Variants in CTNND2 observed in about 807,000 individuals in gnomAD.
CTNND2 encodes the protein catenin delta 2.
In CTNND2, 22 loss-of-function variants were observed where a neutral mutation model predicts 144.4. The observed-to-expected ratio is 0.15, with a 90% CI of 0.11 to 0.22. The LOEUF is 0.22. Among genes scored for constraint, CTNND2 ranks in the 10% least tolerant of loss-of-function variants. CTNND2 has a pLI of 1.00. For synonymous variants in CTNND2, 751 were observed against 695.6 expected (o/e 1.08, Z -1.25); for missense variants, 1,353 against 1,618.8 (o/e 0.84, Z 2.82).
At chr5:11,037,534 G>A (rs1288090412) in intron 16 of CTNND2, among the ~76,000 whole-genome samples, 1 of 152,164 alleles carries the variant, frequency 6.6e-6, no homozygotes, top group African/African-American at 2.4e-5. Flanking sequence ...TGTTTGCACT[G>A]GAGGCAGAAA....
At chr5:11,715,292 C>A (rs748106643) in intron 2 of CTNND2, among the ~76,000 whole-genome samples, 3 of 152,166 alleles carry the variant, frequency 2.0e-5, no homozygotes, top group Non-Finnish European at 2.9e-5. Flanking sequence ...AATCACGAAG[C>A]ATTACATCTT....
intron 2 of CTNND2, among the ~76,000 whole-genome samples, chr5:11,710,171 G>A (rs189333703): frequency 1.3e-5 from 2 of 152,226 alleles, no homozygotes; most frequent in East Asian, 3.9e-4. Context: ...TCAGCTTTAA[G>A]GAGCCAAGAA....
At chr5:11,879,710 G>C (rs1163412295) in intron 1 of CTNND2, among the ~76,000 whole-genome samples, 1 of 152,104 alleles carries the variant, frequency 6.6e-6, no homozygotes, top group East Asian at 1.9e-4. Context: ...GGTTCGCAAA[G>C]AGTAGCTCTC....
At chr5:11,634,958 G>A (rs867160456) in intron 2 of CTNND2, among the ~76,000 whole-genome samples, 18 of 151,966 alleles carry the variant, frequency 1.2e-4, no homozygotes, top group African/African-American at 4.4e-4. Flanking sequence ...CATCTAGTGG[G>A]CAGAAGATAT....
At chr5:11,705,046 G>A (rs878886115) in intron 2 of CTNND2, among the ~76,000 whole-genome samples, 1 of 151,890 alleles carries the variant, frequency 6.6e-6, no homozygotes, top group Non-Finnish European at 1.5e-5. Context: ...ATTAAATTAG[G>A]GAAACTGTCT....
intron 2 of CTNND2, among the ~76,000 whole-genome samples, chr5:11,702,717 C>T (rs549181428): frequency 3.3e-5 from 5 of 152,300 alleles, no homozygotes; most frequent in South Asian, 4.1e-4. Context: ...ATCTTGAGGG[C>T]TTCCCCTGGG....
At chr5:11,229,164 C>G (rs1247621339) in intron 10 of CTNND2, among the ~76,000 whole-genome samples, 1 of 152,142 alleles carries the variant, frequency 6.6e-6, no homozygotes, top group Non-Finnish European at 1.5e-5. Context: ...GAAAGGAGTA[C>G]AAGTCAATCC....
At chr5:11,241,838 G>C (rs1370350689) in intron 9 of CTNND2, among the ~76,000 whole-genome samples, 1 of 152,108 alleles carries the variant, frequency 6.6e-6, no homozygotes, top group Non-Finnish European at 1.5e-5. Flanking sequence ...AATCCTTAAG[G>C]ACAAAGAGGA....
intron 1 of CTNND2, among the ~76,000 whole-genome samples, chr5:11,758,329 T>C (rs537140068): frequency 6.6e-6 from 1 of 152,018 alleles, no homozygotes; most frequent in Non-Finnish European, 1.5e-5. Context: ...AACACATTTA[T>C]AACCATAAAT....
intron 3 of CTNND2, among the ~76,000 whole-genome samples, chr5:11,557,426 C>T (rs1034494135): frequency 9.9e-5 from 15 of 152,130 alleles, no homozygotes; most frequent in African/African-American, 3.6e-4. Flanking sequence ...GCCATCAGAT[C>T]GAGGTTCTGG....
chr5:11,631,897 C>T (rs949870147), intron 2 of CTNND2, among the ~76,000 whole-genome samples: 2 of 152,098 alleles, frequency 1.3e-5, no homozygotes, highest in Admixed American at 1.3e-4. Flanking sequence ...GGGCATGTCC[C>T]GGACCCCACC....
chr5:11,717,760 A>G (rs1561726519), intron 2 of CTNND2, among the ~76,000 whole-genome samples: 1 of 152,078 alleles, frequency 6.6e-6, no homozygotes, highest in Non-Finnish European at 1.5e-5. Flanking sequence ...CCATTTTTAA[A>G]GCCATCAGAT....
At chr5:11,581,920 TTA>T (rs1778466336) in intron 2 of CTNND2, among the ~76,000 whole-genome samples, 1 of 152,220 alleles carries the variant, frequency 6.6e-6, no homozygotes, top group Non-Finnish European at 1.5e-5. Context: ...TTAGTTTTTA[TTA>T]TATTTTTATA....
At chr5:11,566,514 G>A (rs767542525) in intron 2 of CTNND2, among the ~76,000 whole-genome samples, 1 of 151,996 alleles carries the variant, frequency 6.6e-6, no homozygotes, top group Non-Finnish European at 1.5e-5. Context: ...ATCTCTCTGT[G>A]AAACAGGAAA....
chr5:11,282,522 T>C (rs1373347895), intron 9 of CTNND2, among the ~76,000 whole-genome samples: 1 of 152,176 alleles, frequency 6.6e-6, no homozygotes, highest in Non-Finnish European at 1.5e-5. Context: ...ACAGCCTCGA[T>C]TTACAAAAGG....
chr5:11,418,206 A>G (rs1762068523), intron 3 of CTNND2, among the ~76,000 whole-genome samples: 1 of 152,066 alleles, frequency 6.6e-6, no homozygotes, highest in South Asian at 2.1e-4. Flanking sequence ...TGGGAGTTCG[A>G]GGCCAGCCTT....
chr5:11,106,113 C>T (rs949667144), intron 14 of CTNND2, among the ~76,000 whole-genome samples: 3 of 152,222 alleles, frequency 2.0e-5, no homozygotes, highest in Non-Finnish European at 4.4e-5. Flanking sequence ...CGAACAGAAA[C>T]TGTCACTGAC....
At chr5:11,696,844 C>T (rs1233853958) in intron 2 of CTNND2, among the ~76,000 whole-genome samples, 1 of 152,176 alleles carries the variant, frequency 6.6e-6, no homozygotes. Context: ...CCTAAATGGG[C>T]TTTATCTGAT....
At chr5:11,728,732 T>A (rs1787159997) in intron 2 of CTNND2, among the ~76,000 whole-genome samples, 1 of 152,186 alleles carries the variant, frequency 6.6e-6, no homozygotes, top group South Asian at 2.1e-4. Flanking sequence ...CAAGTTTATT[T>A]TTAGTCTGTA....
Sources: allele counts gnomAD v4.1 joint callset (sites outside exome capture counted in the v4.1 genomes callset), GRCh38; gene constraint gnomAD v4.1.1; transcripts MANE v1.5; gene names NCBI Gene and HGNC (gene_info 2026-07-23, HGNC 2026-07-21).